CCSER1: variants seen among roughly 807,000 people sequenced by gnomAD.
CCSER1 encodes coiled-coil serine rich protein 1.
A neutral mutation model predicts 82.0 loss-of-function variants in CCSER1; 41 were observed. That is an observed-to-expected ratio of 0.50 (90% CI 0.39 to 0.65). The LOEUF (loss-of-function observed/expected upper bound fraction) is 0.65. Ranked by LOEUF, CCSER1 falls within the 30% of genes least tolerant of loss-of-function variation. CCSER1 has a pLI of 0.00. For synonymous variants in CCSER1, 414 were observed against 383.9 expected (o/e 1.08, Z -0.92); for missense variants, 1,119 against 1,064.2 (o/e 1.05, Z -0.72).
intron 8 of CCSER1, among the ~76,000 whole-genome samples, chr4:90,871,426 G>A (rs1399564301): frequency 6.6e-6 from 1 of 151,830 alleles, no homozygotes; most frequent in African/African-American, 2.4e-5. Flanking sequence ...CATTGACCCA[G>A]TGGTCATTCA....
At chr4:90,250,157 G>A (rs1008579616) in intron 1 of CCSER1, among the ~76,000 whole-genome samples, 2 of 151,950 alleles carry the variant, frequency 1.3e-5, no homozygotes, top group Admixed American at 6.6e-5. Flanking sequence ...TATGGTTTGC[G>A]AATATTTTCT....
intron 3 of CCSER1, among the ~76,000 whole-genome samples, chr4:90,354,127 G>C (rs1352513624): frequency 6.6e-6 from 1 of 152,086 alleles, no homozygotes; most frequent in African/African-American, 2.4e-5. Flanking sequence ...AAAAAAGAAG[G>C]AATTCTGCCA....
intron 9 of CCSER1, among the ~76,000 whole-genome samples, chr4:90,965,435 G>A (rs1315566404): frequency 6.6e-6 from 1 of 152,050 alleles, no homozygotes; most frequent in Non-Finnish European, 1.5e-5. Context: ...AGGTAGGAAG[G>A]AAAAGCTAAG....
At chr4:90,712,467 T>A (rs2149330851) in intron 6 of CCSER1, among the ~76,000 whole-genome samples, 1 of 152,206 alleles carries the variant, frequency 6.6e-6, no homozygotes, top group South Asian at 2.1e-4. Flanking sequence ...GTGAATTTCT[T>A]AGTTTTGATT....
chr4:91,464,172 A>C lies in CCSER1; in HGVS notation c.2218-134400A>C, dbSNP rs146028940. ...GCGGATCTCTCAGCAGAAACTCTACAAGCCAGAAGAGAGTGGGGGCCAATA... is the reference window on the plus strand; with the variant it reads ...GCGGATCTCTCAGCAGAAACTCTACCAGCCAGAAGAGAGTGGGGGCCAATA... On this transcript the variant is annotated intron_variant, in intron 10 of 10. Transcript: ENST00000509176. Among the ~76,000 whole-genome samples, 3 of 151,080 alleles carry C rather than the reference A, an allele frequency of 2.0e-5. No homozygotes were observed. The East Asian group carries it at 5.9e-4, about 30-fold the overall frequency.
At position 90,164,374 on chromosome 4, in the gene CCSER1, G is replaced by A. The variant is rs528976533; in HGVS notation, c.-42+36543G>A. ...ATTTATTTTTAGTTATTTAAGATAT[G>A]AAGATAATCGCAAACATTTTAAAGT... On this transcript the variant is annotated intron_variant, in intron 1 of 10. Transcript: ENST00000509176. Among the ~76,000 whole-genome samples the A allele has an allele frequency of 2.0e-5, 3 of 151,590 alleles. No homozygotes were observed. The East Asian group carries it at 5.8e-4, about 29-fold the overall frequency.
At chr4:90,284,007 TAA>T (rs1404744047) in intron 1 of CCSER1, among the ~76,000 whole-genome samples, 1 of 152,058 alleles carries the variant, frequency 6.6e-6, no homozygotes, top group Non-Finnish European at 1.5e-5. Context: ...GTCTTTAGGA[TAA>T]AAACCATTTT....
At chr4:90,551,224 T>TA (rs1346591270) in intron 5 of CCSER1, among the ~76,000 whole-genome samples, 1 of 152,180 alleles carries the variant, frequency 6.6e-6, no homozygotes, top group African/African-American at 2.4e-5. Flanking sequence ...GAATGCATGA[T>TA]AGTTATCCAT....
chr4:90,912,161 G>A (rs769958835), intron 8 of CCSER1, among the ~76,000 whole-genome samples: 3 of 152,176 alleles, frequency 2.0e-5, no homozygotes, highest in Admixed American at 6.5e-5. Flanking sequence ...CTTGAGATCT[G>A]AGAACGGACA....
chr4:90,344,040 C>T (rs1392449801), intron 3 of CCSER1, among the ~76,000 whole-genome samples: 2 of 152,298 alleles, frequency 1.3e-5, no homozygotes, highest in Middle Eastern at 3.4e-3. Flanking sequence ...CCCAAGTCCA[C>T]TAACCTCCCC....
chr4:90,709,497 A>G (rs1239792611), intron 6 of CCSER1, among the ~76,000 whole-genome samples: 1 of 152,098 alleles, frequency 6.6e-6, no homozygotes, highest in Non-Finnish European at 1.5e-5. Flanking sequence ...ATGTGTTCTC[A>G]TCATTTAGGT....
intron 10 of CCSER1, among the ~76,000 whole-genome samples, chr4:91,411,771 A>G (rs1245505214): frequency 6.6e-6 from 1 of 150,610 alleles, no homozygotes; most frequent in Non-Finnish European, 1.5e-5. Context: ...TTTTGGATGA[A>G]CAAGATAGCC....
At position 90,271,862 on chromosome 4, in the gene CCSER1, ATTTTTTTTTTTTTTTTT is replaced by A. The variant is rs1176154331; in HGVS notation, c.-41-36370_-41-36354del. On this transcript the variant is annotated intron_variant, in intron 1 of 10. Transcript: ENST00000509176. ...TATATATATATATATATATATATATATTTTTTTTTTTTTTTTTTTTTTTTTTTTAAAAGGAGGTTTAA... is the reference window on the plus strand; with the variant it reads ...TATATATATATATATATATATATATATTTTTTTTTTTAAAAGGAGGTTTAA... 9.7e-4 allele frequency among the ~76,000 whole-genome samples: 21 copies of A among 21,748 alleles called. 1 individual carries two copies. The South Asian group carries it at 0.014, about 15-fold the overall frequency. 14.3% of individuals were successfully genotyped at this position (21,748 alleles called of 152,430 possible).
chr4:90,733,953 A>G (rs1356775163), intron 7 of CCSER1, among the ~76,000 whole-genome samples: 1 of 152,022 alleles, frequency 6.6e-6, no homozygotes, highest in Non-Finnish European at 1.5e-5. Flanking sequence ...CAAGTCAGGT[A>G]ATGTGATTCC....
intron 1 of CCSER1, among the ~76,000 whole-genome samples, chr4:90,288,501 T>G (rs1287055630): frequency 1.3e-5 from 2 of 151,896 alleles, no homozygotes; most frequent in Admixed American, 1.3e-4. Flanking sequence ...CTCATTGGAG[T>G]AGATACTCCT....
intron 6 of CCSER1, among the ~76,000 whole-genome samples, chr4:90,715,745 C>T (rs1176453501): frequency 6.6e-6 from 1 of 151,942 alleles, no homozygotes; most frequent in Non-Finnish European, 1.5e-5. Flanking sequence ...ACTCTTAAGC[C>T]TTATGTGGAT....
In CCSER1 at chr4:91,587,174, T is replaced by C. The variant is rs532763806; in HGVS notation, c.2218-11398T>C. On this transcript the variant is annotated intron_variant, in intron 10 of 10. Coordinates refer to ENST00000509176, the MANE Select transcript of CCSER1 (RefSeq NM_001145065.2). ...TTTCTTAGAGAATTCATTTGGTACC[T>C]ATGTTAGTATCTGCCAATTTGTCTT... is the stretch of plus-strand genomic sequence containing the variant. Among the ~76,000 whole-genome samples the C allele has an allele frequency of 4.6e-5, 7 of 151,864 alleles. No individual in the cohort carries two copies. The South Asian group carries it at 1.5e-3, about 31-fold the overall frequency.
At chr4:90,468,907 A>G (rs1481214281) in intron 5 of CCSER1, among the ~76,000 whole-genome samples, 1 of 152,140 alleles carries the variant, frequency 6.6e-6, no homozygotes, top group African/African-American at 2.4e-5. Flanking sequence ...TACTCTTATA[A>G]TGACTAAAGA....
chr4:90,704,455 A>G (rs918553881), intron 6 of CCSER1, among the ~76,000 whole-genome samples: 7 of 152,014 alleles, frequency 4.6e-5, no homozygotes, highest in African/African-American at 1.4e-4. Flanking sequence ...ATGTGGCTTG[A>G]AGTTGCTCTT....
Sources: gnomAD v4.1 joint callset for allele counts (sites outside exome capture counted in the v4.1 genomes callset) on GRCh38, gnomAD v4.1.1 for gene constraint, MANE v1.5 for transcripts, NCBI Gene and HGNC (gene_info 2026-07-23, HGNC 2026-07-21) for gene names.